Variants in YAE1 observed in about 807,000 individuals in gnomAD.
The protein encoded by YAE1 is protein YAE1 homolog.
YAE1 carries 22 observed loss-of-function variants against 23.0 expected under a neutral mutation model. The observed-to-expected ratio is 0.96, with a 90% CI of 0.68 to 1.37. The LOEUF (loss-of-function observed/expected upper bound fraction) is 1.37. Among genes scored for constraint, YAE1 ranks in the 40% most tolerant of loss-of-function variants. The pLI is 0.00. For missense variants in YAE1, 260 were observed against 262.1 expected (o/e 0.99, Z 0.06); for synonymous variants, 101 against 97.0 (o/e 1.04, Z -0.24).
chr7:39,600,202 C>A (rs1791036357), intron 2 of YAE1, among the ~76,000 whole-genome samples: 1 of 152,040 alleles, frequency 6.6e-6, no homozygotes, highest in Non-Finnish European at 1.5e-5. Flanking sequence ...TAAAACATAA[C>A]TTTGATTATA....
intron 2 of YAE1, among the ~76,000 whole-genome samples, chr7:39,589,374 T>A (rs1289487496): frequency 2.0e-5 from 3 of 152,016 alleles, no homozygotes; most frequent in Non-Finnish European, 4.4e-5. Flanking sequence ...CTTGAGCATT[T>A]CTCCCACCTC....
chr7:39,592,499 C>T (rs752167847), intron 2 of YAE1, among the ~76,000 whole-genome samples: 1 of 152,108 alleles, frequency 6.6e-6, no homozygotes, highest in Admixed American at 6.6e-5. Flanking sequence ...TAACCCATGG[C>T]AAACCCATTA....
chr7:39,570,059 C>A, intron 1 of YAE1: 1 of 1,281,030 alleles, frequency 7.8e-7, no homozygotes, highest in Admixed American at 1.7e-5. Flanking sequence ...TTGTATCATC[C>A]AGCCTCCTTC....
intron 2 of YAE1, among the ~76,000 whole-genome samples, chr7:39,603,218 C>T (rs972549225): frequency 2.6e-5 from 4 of 152,012 alleles, no homozygotes; most frequent in Admixed American, 6.5e-5. Flanking sequence ...GGCGCGATCT[C>T]GGCTCCACCT....
chr7:39,598,497 C>A (rs954584545), intron 2 of YAE1, among the ~76,000 whole-genome samples: 1 of 150,616 alleles, frequency 6.6e-6, no homozygotes, highest in Non-Finnish European at 1.5e-5. Flanking sequence ...AAGCAACAGG[C>A]AAGGTGCAGT....
At chr7:39,571,554 T>C (rs17171597) in intron 2 of YAE1, among the ~76,000 whole-genome samples, 9,065 of 152,276 alleles carry the variant, frequency 0.06, 552 homozygotes, top group African/African-American at 0.15. Flanking sequence ...TTTAGTCTGC[T>C]ACAGTAGGAA....
exon 3 of YAE1, chr7:39,609,902 C>T: frequency 1.3e-6 from 2 of 1,531,162 alleles, no homozygotes; most frequent in Non-Finnish European, 1.7e-6. Context: ...CAGCCTGCCC[C>T]GCCTGGCCGC....
intron 2 of YAE1, among the ~76,000 whole-genome samples, chr7:39,590,841 C>T (rs1790891765): frequency 6.6e-6 from 1 of 152,150 alleles, no homozygotes; most frequent in South Asian, 2.1e-4. Context: ...TAATATCTTA[C>T]CTTGGCTGCC....
chr7:39,570,590 G>A lies in YAE1; in HGVS notation c.214G>A (p.Val72Ile). The change falls in exon 2 of 3, where the codon GTC becomes ATC. Residue 72 changes from valine to isoleucine, a missense_variant. Coordinates refer to ENST00000223273, the MANE Select transcript of YAE1 (RefSeq NM_020192.5). ...TCAAGGTTATAAGAAAGGTGCAGAAGTCATTTTAAACTATGGACGACTCCG... is the reference window on the plus strand; with the variant it reads ...TCAAGGTTATAAGAAAGGTGCAGAAATCATTTTAAACTATGGACGACTCCG... ...FNQGYKKGAE[V>I]ILNYGRLRGT... 3 of 1,606,854 alleles carry A rather than the reference G, an allele frequency of 1.9e-6. No homozygotes were observed.
At chr7:39,592,130 G>C (rs1790908948) in intron 2 of YAE1, among the ~76,000 whole-genome samples, 1 of 152,160 alleles carries the variant, frequency 6.6e-6, no homozygotes, top group South Asian at 2.1e-4. Context: ...TATGAGTAAA[G>C]CTGCAATAAA....
chr7:39,584,575 G>T (rs1422829123), intron 2 of YAE1, among the ~76,000 whole-genome samples: 1 of 151,998 alleles, frequency 6.6e-6, no homozygotes. Context: ...TGCTGACCCC[G>T]ATTGACTCCT....
At chr7:39,587,429 CTT>C (rs1790836040) in intron 2 of YAE1, among the ~76,000 whole-genome samples, 1 of 152,084 alleles carries the variant, frequency 6.6e-6, no homozygotes, top group Non-Finnish European at 1.5e-5. Flanking sequence ...TTCAGTTAAT[CTT>C]TACCACCCTT....
At chr7:39,588,382 T>G (rs1790851531) in intron 2 of YAE1, among the ~76,000 whole-genome samples, 1 of 151,742 alleles carries the variant, frequency 6.6e-6, no homozygotes, top group African/African-American at 2.4e-5. Context: ...CTTGGTGGCG[T>G]GTGCCTGTAA....
downstream of YAE1, among the ~76,000 whole-genome samples, chr7:39,573,195 A>C (rs1210561179): frequency 6.6e-6 from 1 of 152,202 alleles, no homozygotes; most frequent in Non-Finnish European, 1.5e-5. Flanking sequence ...AAACTGAAGC[A>C]GTGTTTATGC....
chr7:39,607,549 G>C (rs772449861), intron 2 of YAE1, among the ~76,000 whole-genome samples: 24 of 152,236 alleles, frequency 1.6e-4, no homozygotes, highest in Admixed American at 3.3e-4. Flanking sequence ...GATCCATGTT[G>C]GACTTTTGAA....
intron 2 of YAE1, among the ~76,000 whole-genome samples, chr7:39,580,863 GT>G (rs1790732054): frequency 6.6e-6 from 1 of 152,082 alleles, no homozygotes; most frequent in Admixed American, 6.6e-5. Flanking sequence ...AAGAAAACCT[GT>G]TCAAAAGAAA....
At chr7:39,568,736 A>G (rs1347509201) in intron 1 of YAE1, among the ~76,000 whole-genome samples, 1 of 152,228 alleles carries the variant, frequency 6.6e-6, no homozygotes, top group East Asian at 1.9e-4. Context: ...AATACAAGAG[A>G]AAATCAACCT....
chr7:39,572,172 A>G (rs1213090187), intron 2 of YAE1, 105 bp from the exon 3 acceptor site: 1 of 1,217,240 alleles, frequency 8.2e-7, no homozygotes, highest in East Asian at 2.6e-5. Context: ...TATGAATTAT[A>G]AACAGTTTTA....
At chr7:39,575,952 G>A (rs935831902), downstream of YAE1, among the ~76,000 whole-genome samples, 12 of 151,996 alleles carry the variant, frequency 7.9e-5, no homozygotes, top group African/African-American at 1.9e-4. Context: ...TTTCTTGTCC[G>A]CTCATTACTA....
Sources: gnomAD v4.1 joint callset for allele counts (sites outside exome capture counted in the v4.1 genomes callset) on GRCh38, gnomAD v4.1.1 for gene constraint, MANE v1.5 for transcripts, NCBI Gene and HGNC (gene_info 2026-07-23, HGNC 2026-07-21) for gene names.